The following PRKN variants were observed in gnomAD, a reference collection of about 807,000 sequenced individuals.
The protein encoded by PRKN is E3 ubiquitin-protein ligase parkin.
A neutral mutation model predicts 59.5 loss-of-function variants in PRKN; 56 were observed. That is an observed-to-expected ratio of 0.94 (90% CI 0.76 to 1.18). The LOEUF (loss-of-function observed/expected upper bound fraction) is 1.18, where lower values mean the gene tolerates loss of function less well. PRKN is among the 50% of genes most tolerant of loss of function. The pLI is 0.00. For missense variants in PRKN, 657 were observed against 596.4 expected, an observed-to-expected ratio of 1.10 and a Z score of -1.06; for synonymous variants, 250 against 222.1, an observed-to-expected ratio of 1.13 and a Z score of -1.12.
chr6:161,667,544 G>A lies in PRKN; in HGVS notation c.872-98128C>T, dbSNP rs535337829. ...TCTTTTGTTAATATCCTTGTTAGAG[G>A]GTTTATTGGGTGCTCTCATAATTAC... On this transcript the variant is annotated intron_variant, in intron 7 of 11. Coordinates refer to ENST00000366898, the MANE Select transcript of PRKN (RefSeq NM_004562.3). Among the ~76,000 whole-genome samples, 4 of 152,220 alleles carry A rather than the reference G, an allele frequency of 2.6e-5. No homozygotes were observed. In the South Asian group the frequency reaches 8.3e-4, roughly 32 times the overall value.
chr6:161,661,728 T>A (rs918291772), intron 7 of PRKN, among the ~76,000 whole-genome samples: 1 of 152,318 alleles, frequency 6.6e-6, no homozygotes, highest in Non-Finnish European at 1.5e-5. Context: ...TGAATAAATG[T>A]GTGGTACAAG....
At chr6:162,394,935 C>T (rs1485949704) in intron 2 of PRKN, among the ~76,000 whole-genome samples, 1 of 152,054 alleles carries the variant, frequency 6.6e-6, no homozygotes, top group Non-Finnish European at 1.5e-5. Flanking sequence ...TGTATGTTTC[C>T]CTGTGATATT....
chr6:162,669,280 T>C (rs1305182298), intron 1 of PRKN, among the ~76,000 whole-genome samples: 2 of 152,232 alleles, frequency 1.3e-5, no homozygotes, highest in East Asian at 3.9e-4. Flanking sequence ...AATAGATTAA[T>C]AGCAACAAAT....
At chr6:162,562,943 G>C (rs911088277) in intron 1 of PRKN, among the ~76,000 whole-genome samples, 1 of 152,200 alleles carries the variant, frequency 6.6e-6, no homozygotes, top group African/African-American at 2.4e-5. Flanking sequence ...CCACAGGGGT[G>C]CTTGTGTCAC....
intron 6 of PRKN, among the ~76,000 whole-genome samples, chr6:161,867,958 T>G (rs551944618): frequency 1.0e-3 from 154 of 151,588 alleles, no homozygotes; most frequent in African/African-American, 3.6e-3. Context: ...ACGAGGTTTC[T>G]CCATGTTGGC....
At chr6:162,215,793 A>G (rs1408852820) in intron 3 of PRKN, among the ~76,000 whole-genome samples, 1 of 151,990 alleles carries the variant, frequency 6.6e-6, no homozygotes, top group African/African-American at 2.4e-5. Context: ...CACCTGTGAT[A>G]CCAGCACTTT....
At chr6:162,077,992 C>T (rs71567632) in intron 4 of PRKN, among the ~76,000 whole-genome samples, 2,334 of 122,526 alleles carry the variant, frequency 0.019, 35 homozygotes, top group Non-Finnish European at 0.029. Context: ...CAGAGAGAGA[C>T]TCTCTCTCTA....
intron 1 of PRKN, among the ~76,000 whole-genome samples, chr6:162,450,164 G>A (rs186228437): frequency 7.9e-5 from 12 of 152,128 alleles, no homozygotes; most frequent in South Asian, 2.1e-4. Context: ...ATGAAGGTGC[G>A]TTATCAGACT....
At chr6:162,229,590 C>T (rs1216122386) in intron 3 of PRKN, among the ~76,000 whole-genome samples, 1 of 152,136 alleles carries the variant, frequency 6.6e-6, no homozygotes, top group South Asian at 2.1e-4. Context: ...ACACATCTGC[C>T]CCTGCCCCTC....
Position 161,532,166 on chromosome 6 carries a change from C to CTCTATA in PRKN, c.1083+16687_1083+16688insTATAGA, listed in dbSNP as rs1355724171. Among the ~76,000 whole-genome samples, 97 of 115,394 alleles carry CTCTATA rather than the reference C, an allele frequency of 8.4e-4. 1 individual carries two copies. The highest frequency in any genetic ancestry group is 1.1e-3 in the Non-Finnish European group (58 of 54,598). 75.7% of individuals were successfully genotyped at this position (115,394 alleles called of 152,430 possible). ...ACTCTCTCTCTCTCTCTCTCTCTCT[C>CTCTATA]TATATATATATATATATATATATAT... On this transcript the variant is annotated intron_variant, in intron 9 of 11. Coordinates refer to ENST00000366898, the MANE Select transcript of PRKN (RefSeq NM_004562.3).
intron 1 of PRKN, among the ~76,000 whole-genome samples, chr6:162,606,411 T>C (rs959151162): frequency 6.6e-6 from 1 of 152,236 alleles, no homozygotes; most frequent in African/African-American, 2.4e-5. Flanking sequence ...TGTAATTTAT[T>C]GAATACGATA....
intron 7 of PRKN, among the ~76,000 whole-genome samples, chr6:161,720,107 G>T (rs115668729): frequency 3.0e-4 from 45 of 152,208 alleles, no homozygotes; most frequent in South Asian, 1.7e-3. Flanking sequence ...CTGGAAAGTC[G>T]AAAAAAATAA....
At chr6:161,764,834 T>C (rs1263239658) in intron 7 of PRKN, among the ~76,000 whole-genome samples, 1 of 152,186 alleles carries the variant, frequency 6.6e-6, no homozygotes, top group African/African-American at 2.4e-5. Flanking sequence ...TTTTCTAGAA[T>C]AGTATGCCAA....
intron 4 of PRKN, among the ~76,000 whole-genome samples, chr6:162,160,977 G>T (rs1782732633): frequency 6.6e-6 from 1 of 151,298 alleles, no homozygotes; most frequent in Non-Finnish European, 1.5e-5. Context: ...AAAGGAAGAG[G>T]CACCTTATGC....
At chr6:161,807,473 CCA>C (rs1303562288) in intron 6 of PRKN, among the ~76,000 whole-genome samples, 1 of 152,126 alleles carries the variant, frequency 6.6e-6, no homozygotes, top group Non-Finnish European at 1.5e-5. Flanking sequence ...TGACAAAGTA[CCA>C]CAAACCAGGC....
chr6:161,398,638 A>G (rs1786884199), intron 9 of PRKN, among the ~76,000 whole-genome samples: 1 of 152,118 alleles, frequency 6.6e-6, no homozygotes, highest in African/African-American at 2.4e-5. Flanking sequence ...AGGAGTCACA[A>G]TTCACCTCTC....
chr6:161,811,637 A>C (rs1791565235), intron 6 of PRKN, among the ~76,000 whole-genome samples: 1 of 152,098 alleles, frequency 6.6e-6, no homozygotes, highest in African/African-American at 2.4e-5. Flanking sequence ...AATCTTCTAG[A>C]AGGGGCCGGG....
At chr6:161,636,331 A>G (rs1221436670) in intron 7 of PRKN, among the ~76,000 whole-genome samples, 1 of 152,214 alleles carries the variant, frequency 6.6e-6, no homozygotes, top group Non-Finnish European at 1.5e-5. Context: ...GGCAGGGGCC[A>G]GAGGGCAGGA....
chr6:161,718,157 T>A (rs1456621844), intron 7 of PRKN, among the ~76,000 whole-genome samples: 1 of 152,192 alleles, frequency 6.6e-6, no homozygotes, highest in Non-Finnish European at 1.5e-5. Flanking sequence ...AGCCTATTAA[T>A]AATTAAGGTA....
Sources: allele counts gnomAD v4.1 joint callset (sites outside exome capture counted in the v4.1 genomes callset), GRCh38; gene constraint gnomAD v4.1.1; transcripts MANE v1.5; gene names NCBI Gene and HGNC (gene_info 2026-07-23, HGNC 2026-07-21).